The following CEMIP variants were observed in gnomAD, a reference collection of about 807,000 sequenced individuals.
CEMIP encodes the protein cell migration-inducing and hyaluronan-binding protein.
CEMIP carries 105 observed loss-of-function variants against 156.9 expected under a neutral mutation model. The observed-to-expected ratio is 0.67, with a 90% CI of 0.57 to 0.79. The LOEUF (loss-of-function observed/expected upper bound fraction) is 0.79. Among genes scored for constraint, CEMIP ranks in the 30% least tolerant of loss-of-function variants. CEMIP has a pLI of 0.00. For missense variants in CEMIP, 1,457 were observed against 1,769.4 expected, an observed-to-expected ratio of 0.82 and a Z score of 3.17; for synonymous variants, 676 against 668.4, an observed-to-expected ratio of 1.01 and a Z score of -0.17.
chr15:80,923,818 G>T (rs1191626689), intron 17 of CEMIP, among the ~76,000 whole-genome samples: 3 of 152,178 alleles, frequency 2.0e-5, no homozygotes, highest in African/African-American at 7.2e-5. Context: ...CCATCTTGCA[G>T]ATGATATGAC....
chr15:80,932,114 GA>G lies in CEMIP; in HGVS notation c.2793+76del. On this transcript the variant is annotated intron_variant, in intron 22 of 29. Transcript: ENST00000394685. This position sits in a 1 kb window ranked among gnomAD's most constrained non-coding sequence, Gnocchi z 4.5. ...TGATTCACAAGTCCCCTGGGTCCCA[GA>G]GTTTGAGCTATTGCCACCACCGCAG... is the stretch of plus-strand genomic sequence containing the variant. 1 of 1,555,144 alleles carries G rather than the reference GA, an allele frequency of 6.4e-7. No individual in the cohort carries two copies. Among genetic ancestry groups the G allele is most frequent in the South Asian group, 1.1e-5 (1 of 89,790 alleles).
At position 80,859,828 on chromosome 15, in the gene CEMIP, T is replaced by G. The variant is rs117047611; in HGVS notation, c.-175-13710T>G. Among the ~76,000 whole-genome samples the G allele has an allele frequency of 1.5e-3, 223 of 152,316 alleles. 2 individuals carry two copies. The highest frequency in any genetic ancestry group is 0.014 in the Middle Eastern group (4 of 292). ...AGTTGGTGGAGAGAAGTAAACACGT[T>G]TTCCCCTTTCTGCTGTACCTCTAGA... On this transcript the variant is annotated intron_variant, in intron 1 of 29. Transcript: ENST00000394685.
chr15:80,815,230 C>T (rs1247179023), intron 1 of CEMIP, among the ~76,000 whole-genome samples: 2 of 152,248 alleles, frequency 1.3e-5, no homozygotes, highest in African/African-American at 4.8e-5. Flanking sequence ...GAGGCAAATG[C>T]CTCAGCCTCT....
At chr15:80,793,362 C>G (rs1046609258) in intron 1 of CEMIP, among the ~76,000 whole-genome samples, 1 of 152,206 alleles carries the variant, frequency 6.6e-6, no homozygotes, top group South Asian at 2.1e-4. Context: ...TTATGCATAA[C>G]TACACACATT....
At chr15:80,942,834 A>C in intron 27 of CEMIP, 111 bp from the exon 28 acceptor site, 2 of 1,255,660 alleles carry the variant, frequency 1.6e-6, no homozygotes, top group Middle Eastern at 2.5e-4. Flanking sequence ...TACGCTTCAA[A>C]TAGATGCATA....
At chr15:80,913,676 T>C (rs1010690965) in intron 14 of CEMIP, among the ~76,000 whole-genome samples, 2 of 152,258 alleles carry the variant, frequency 1.3e-5, no homozygotes, top group Non-Finnish European at 2.9e-5. Context: ...GCTTATTAAA[T>C]AGTATCACTG....
At chr15:80,815,697 A>T (rs182075682) in intron 1 of CEMIP, among the ~76,000 whole-genome samples, 1,573 of 152,086 alleles carry the variant, frequency 0.01, 14 homozygotes, top group Non-Finnish European at 0.017. Context: ...TGTGCCTTTT[A>T]AAAAAAATTA....
chr15:80,810,370 T>C (rs1007097771), intron 1 of CEMIP, among the ~76,000 whole-genome samples: 1 of 152,142 alleles, frequency 6.6e-6, no homozygotes, highest in East Asian at 1.9e-4. Context: ...GTTTTTTTGT[T>C]TGTTTGTTTG....
intron 1 of CEMIP, among the ~76,000 whole-genome samples, chr15:80,834,843 GA>G (rs201675115): frequency 6.7e-6 from 1 of 150,126 alleles, no homozygotes; most frequent in Non-Finnish European, 1.5e-5. Flanking sequence ...TATCAGTTTG[GA>G]AAAAAAACCA....
At chr15:80,885,181 G>A (rs1898793936) in intron 7 of CEMIP, among the ~76,000 whole-genome samples, 1 of 152,122 alleles carries the variant, frequency 6.6e-6, no homozygotes, top group Non-Finnish European at 1.5e-5. Context: ...GGAAAGTTGA[G>A]GTTATCTGTC....
chr15:80,870,182 C>T (rs1215499881), intron 1 of CEMIP, among the ~76,000 whole-genome samples: 1 of 152,184 alleles, frequency 6.6e-6, no homozygotes, highest in Non-Finnish European at 1.5e-5. Flanking sequence ...TCCTGCTAGT[C>T]ACTGAGCTGA....
chr15:80,781,286 G>A (rs781317870), intron 1 of CEMIP, among the ~76,000 whole-genome samples: 2 of 152,186 alleles, frequency 1.3e-5, no homozygotes, highest in East Asian at 1.9e-4. Context: ...ATCAAATAGA[G>A]CAAATTTATA....
At chr15:80,781,743 G>A (rs1465522228) in intron 1 of CEMIP, among the ~76,000 whole-genome samples, 1 of 152,186 alleles carries the variant, frequency 6.6e-6, no homozygotes, top group Non-Finnish European at 1.5e-5. Context: ...TGTAAACTGG[G>A]AATAACGCAA....
At chr15:80,879,658 A>G in intron 4 of CEMIP, 58 bp from the exon 5 acceptor site, 1 of 1,610,710 alleles carries the variant, frequency 6.2e-7, no homozygotes, top group Admixed American at 1.7e-5. Context: ...CTTGGCTCTG[A>G]TATAACCTTA....
At chr15:80,791,999 A>T (rs1310503905) in intron 1 of CEMIP, among the ~76,000 whole-genome samples, 2 of 152,192 alleles carry the variant, frequency 1.3e-5, no homozygotes, top group South Asian at 4.1e-4. Context: ...CGTAGTCCTC[A>T]TCTCTTCTCT....
intron 1 of CEMIP, among the ~76,000 whole-genome samples, chr15:80,848,847 T>A (rs1433809122): frequency 1.4e-5 from 2 of 143,476 alleles, no homozygotes; most frequent in Non-Finnish European, 3.0e-5. Context: ...CTCCCAGAAC[T>A]CAGGCCTCAA....
At chr15:80,829,117 T>C (rs765826070) in intron 1 of CEMIP, among the ~76,000 whole-genome samples, 2 of 152,186 alleles carry the variant, frequency 1.3e-5, no homozygotes, top group Non-Finnish European at 2.9e-5. Context: ...GCCTTCTCTG[T>C]TCTCCTGATC....
intron 25 of CEMIP, chr15:80,938,324 A>G: frequency 3.4e-6 from 1 of 295,296 alleles, no homozygotes; most frequent in South Asian, 3.1e-5. Context: ...GGATTAAGAG[A>G]TGGGCAGCTG....
intron 1 of CEMIP, among the ~76,000 whole-genome samples, chr15:80,846,399 T>C (rs188548585): frequency 6.6e-6 from 1 of 152,350 alleles, no homozygotes; most frequent in East Asian, 1.9e-4. Context: ...AAACCTTTCC[T>C]GTGCTTCACC....
Sources: gnomAD v4.1 joint callset for allele counts (sites outside exome capture counted in the v4.1 genomes callset) on GRCh38, gnomAD v4.1.1 for gene constraint, Gnocchi (gnomAD v3.1) non-coding constraint, MANE v1.5 for transcripts, NCBI Gene and HGNC (gene_info 2026-07-23, HGNC 2026-07-21) for gene names.